The following NKIRAS1 variants were observed in gnomAD, a reference collection of about 807,000 sequenced individuals.
NKIRAS1 encodes NF-kappa-B inhibitor-interacting Ras-like protein 1.
In NKIRAS1, 16 loss-of-function variants were observed where a neutral mutation model predicts 19.8. That is an observed-to-expected ratio of 0.81 (90% CI 0.55 to 1.23). The LOEUF (loss-of-function observed/expected upper bound fraction) is 1.23. Among genes scored for constraint, NKIRAS1 ranks in the 50% most tolerant of loss-of-function variants. The probability of loss-of-function intolerance (pLI) is 0.00; values close to 1 mark genes in which losing one functional copy is unlikely to be tolerated. For missense variants in NKIRAS1, 184 were observed against 220.0 expected (o/e 0.84, Z 1.04); for synonymous variants, 88 against 79.0 (o/e 1.11, Z -0.61).
chr3:23,909,884 G>T (rs1357425210), intron 3 of NKIRAS1, among the ~76,000 whole-genome samples: 2 of 141,720 alleles, frequency 1.4e-5, no homozygotes, highest in African/African-American at 2.6e-5. Context: ...TTTTGAGATG[G>T]AGTCTCGCTC....
chr3:23,900,675 GA>G, intron 4 of NKIRAS1, 132 bp downstream of exon 4: 2 of 531,738 alleles, frequency 3.8e-6, no homozygotes, highest in Non-Finnish European at 6.3e-6. Flanking sequence ...AAAAAGAAAA[GA>G]AAAAAATTGT....
chr3:23,912,415 A>T (rs1330047979), intron 1 of NKIRAS1, among the ~76,000 whole-genome samples: 1 of 152,214 alleles, frequency 6.6e-6, no homozygotes, highest in African/African-American at 2.4e-5. Context: ...GAAGACATTT[A>T]TGCAGCCAAC....
chr3:23,934,488 T>C (rs1175637223), intron 1 of NKIRAS1, among the ~76,000 whole-genome samples: 1 of 152,234 alleles, frequency 6.6e-6, no homozygotes, highest in Admixed American at 6.5e-5. Flanking sequence ...TTGCAGTTCC[T>C]CTGGCTATTC....
chr3:23,945,818 C>CGGCCCGGCCCCCCCCTCACAT (rs1433101818), intron 1 of NKIRAS1, among the ~76,000 whole-genome samples: 47 of 150,668 alleles, frequency 3.1e-4, no homozygotes, highest in South Asian at 1.0e-3. Flanking sequence ...TGCCGGCGCC[C>CGGCCCGGCCCCCCCCTCACAT]GGCCCGGCCC....
At chr3:23,920,830 C>A, upstream of NKIRAS1, 1 of 913,482 alleles carries the variant, frequency 1.1e-6, no homozygotes, top group Non-Finnish European at 1.3e-6. Context: ...GAATAAATGT[C>A]TATTAAACTA....
At chr3:23,901,745 A>G (rs1702541629) in intron 3 of NKIRAS1, among the ~76,000 whole-genome samples, 1 of 152,206 alleles carries the variant, frequency 6.6e-6, no homozygotes, top group Non-Finnish European at 1.5e-5. Flanking sequence ...ATGTGATAAG[A>G]CAGGTAAGGT....
At chr3:23,945,381 G>A in intron 1 of NKIRAS1, 1 of 175,404 alleles carries the variant, frequency 5.7e-6, no homozygotes, top group Non-Finnish European at 1.2e-5. Flanking sequence ...CCGCTCGCCG[G>A]CCGCCGCCAC....
chr3:23,937,253 C>G (rs954393421), intron 1 of NKIRAS1, among the ~76,000 whole-genome samples: 2 of 151,966 alleles, frequency 1.3e-5, no homozygotes, highest in African/African-American at 4.8e-5. Context: ...TGCCTGTAGT[C>G]CCAGCTACTC....
intron 1 of NKIRAS1, among the ~76,000 whole-genome samples, chr3:23,943,396 T>C (rs1338669337): frequency 6.6e-6 from 1 of 152,104 alleles, no homozygotes; most frequent in Non-Finnish European, 1.5e-5. Flanking sequence ...CCACCCCGGC[T>C]AATTTTGTAT....
At chr3:23,909,860 TTTTG>T (rs1559506271) in intron 3 of NKIRAS1, among the ~76,000 whole-genome samples, 1 of 118,848 alleles carries the variant, frequency 8.4e-6, no homozygotes, top group African/African-American at 2.8e-5. Context: ...TTTTGTTTTT[TTTTG>T]TTTTTTTTTT....
At chr3:23,906,841 T>C (rs1027183487) in intron 3 of NKIRAS1, among the ~76,000 whole-genome samples, 1 of 152,162 alleles carries the variant, frequency 6.6e-6, no homozygotes, top group African/African-American at 2.4e-5. Flanking sequence ...ATTTAAATAA[T>C]GGTAACCTCT....
intron 1 of NKIRAS1, chr3:23,916,133 T>C (rs973720780): frequency 1.3e-5 from 2 of 152,082 alleles, no homozygotes; most frequent in Admixed American, 6.5e-5. Flanking sequence ...GAAAGAAAAA[T>C]ATGATGTGGG....
At chr3:23,919,572 T>G (rs533444033), upstream of NKIRAS1, 60 of 1,437,708 alleles carry the variant, frequency 4.2e-5, no homozygotes, top group Non-Finnish European at 5.3e-5. Context: ...ACAGGTGTTA[T>G]TTGTCTGTTA....
upstream of NKIRAS1, chr3:23,917,852 A>T (rs372215459): frequency 2.1e-5 from 34 of 1,607,412 alleles, no homozygotes; most frequent in Non-Finnish European, 2.9e-5. Flanking sequence ...TTTCACAGGT[A>T]AGCCAAGATG....
At chr3:23,924,120 G>T (rs532395638) in intron 1 of NKIRAS1, 4 of 152,348 alleles carry the variant, frequency 2.6e-5, no homozygotes, top group Admixed American at 2.6e-4. Flanking sequence ...CAAGATGGGT[G>T]AAAGCTGCTC....
chr3:23,931,410 TC>T (rs1705313313), intron 1 of NKIRAS1, among the ~76,000 whole-genome samples: 1 of 152,250 alleles, frequency 6.6e-6, no homozygotes, highest in Non-Finnish European at 1.5e-5. Context: ...CGTGGCTCAC[TC>T]CCTCACTTAC....
In NKIRAS1 at chr3:23,912,838, G is replaced by A. The variant is rs72627079; in HGVS notation, c.-139-1388C>T. Among the ~76,000 whole-genome samples, 916 of 152,122 alleles carry A rather than the reference G, an allele frequency of 6.0e-3. 17 individuals are homozygous for A. Among genetic ancestry groups the A allele is most frequent in the East Asian group, 0.05 (260 of 5,172 alleles). On this transcript the variant is annotated intron_variant, in intron 1 of 4. Coordinates refer to ENST00000425478, the MANE Select transcript of NKIRAS1 (RefSeq NM_020345.4). ...TGGATTAAGAAAATATGCCACATAC[G>A]TCGGGCGCGGTGGCTCATGCCTGTA...
chr3:23,899,812 G>C (rs1188362383), intron 4 of NKIRAS1, among the ~76,000 whole-genome samples: 2 of 152,164 alleles, frequency 1.3e-5, no homozygotes, highest in Non-Finnish European at 2.9e-5. Flanking sequence ...ATAATTATTA[G>C]GTTTCTTTTT....
At chr3:23,935,897 C>G (rs2125268959) in intron 1 of NKIRAS1, among the ~76,000 whole-genome samples, 1 of 152,060 alleles carries the variant, frequency 6.6e-6, no homozygotes, top group Non-Finnish European at 1.5e-5. Flanking sequence ...CCAGGCAACA[C>G]AGCAAAACCT....
Sources: allele counts gnomAD v4.1 joint callset (sites outside exome capture counted in the v4.1 genomes callset), GRCh38; gene constraint gnomAD v4.1.1; transcripts MANE v1.5; gene names NCBI Gene and HGNC (gene_info 2026-07-23, HGNC 2026-07-21).